RBM19: variants seen among roughly 807,000 people sequenced by gnomAD.
RBM19 encodes RNA binding motif protein 19.
A neutral mutation model predicts 116.8 loss-of-function variants in RBM19; 94 were observed. The observed-to-expected ratio is 0.80, with a 90% CI of 0.68 to 0.95. The LOEUF (loss-of-function observed/expected upper bound fraction) is 0.95, where lower values mean the gene tolerates loss of function less well. RBM19 is among the 40% of genes least tolerant of loss of function. The pLI is 0.00. For missense variants in RBM19, 1,161 were observed against 1,220.7 expected, an observed-to-expected ratio of 0.95 and a Z score of 0.73; for synonymous variants, 475 against 494.1, an observed-to-expected ratio of 0.96 and a Z score of 0.51.
At chr12:113,819,166 C>T (rs970566190), downstream of RBM19, among the ~76,000 whole-genome samples, 1 of 152,210 alleles carries the variant, frequency 6.6e-6, no homozygotes, top group Non-Finnish European at 1.5e-5. Context: ...AGATGCGGTT[C>T]CAGCCAGCCC....
chr12:113,830,458 G>T (rs2135690623), intron 23 of RBM19, among the ~76,000 whole-genome samples: 1 of 151,928 alleles, frequency 6.6e-6, no homozygotes, highest in East Asian at 1.9e-4. Context: ...TGTGCTCTGG[G>T]TGTCTTGTGT....
chr12:113,939,508 G>GGGAGGCTGAGGCGGGCA (rs893726122), intron 15 of RBM19, among the ~76,000 whole-genome samples: 1 of 119,332 alleles, frequency 8.4e-6, no homozygotes, highest in African/African-American at 3.4e-5. Context: ...CCAGCACTTT[G>GGGAGGCTGAGGCGGGCA]GGAGGCTGAG....
At chr12:113,958,079 G>A (rs761140105) in intron 5 of RBM19, 29 bp from the exon 6 acceptor site, 7 of 1,588,798 alleles carry the variant, frequency 4.4e-6, no homozygotes, top group South Asian at 2.3e-5. Context: ...TGGGATCAGC[G>A]ACAGCTATGA....
chr12:113,896,889 T>C (rs1425324520), intron 21 of RBM19, among the ~76,000 whole-genome samples: 1 of 152,342 alleles, frequency 6.6e-6, no homozygotes, highest in East Asian at 1.9e-4. Flanking sequence ...CCGAAAGAAA[T>C]ACCTAACAGT....
chr12:113,910,720 C>A (rs1353499001), intron 21 of RBM19, among the ~76,000 whole-genome samples: 1 of 152,208 alleles, frequency 6.6e-6, no homozygotes, highest in Non-Finnish European at 1.5e-5. Context: ...ACAAAGACTG[C>A]GTGGCACGTG....
intron 5 of RBM19, 144 bp downstream of exon 5, chr12:113,959,068 C>A: frequency 1.3e-6 from 1 of 776,756 alleles, no homozygotes; most frequent in Non-Finnish European, 2.0e-6. Context: ...GACAGATGCA[C>A]CTGCAGAGGG....
rs1868441750 is a variant in RBM19 at position 113,920,603 on chromosome 12, C to T, written c.2385+8G>A. Reference sequence around the variant, plus strand: ...TCCGTGGCCCTCAGCTGAGAATCTTCACTTTACCTGGAGCTGCTTGAGAGC... The same window carrying T: ...TCCGTGGCCCTCAGCTGAGAATCTTTACTTTACCTGGAGCTGCTTGAGAGC... On this transcript the variant is annotated splice_region_variant and intron_variant, in intron 19 of 23. Coordinates refer to ENST00000261741, the MANE Select transcript of RBM19 (RefSeq NM_016196.4). 6.2e-7 allele frequency: 1 copy of T among 1,613,184 alleles called. No individual in the cohort carries two copies. Among genetic ancestry groups the T allele is most frequent in the Non-Finnish European group, 8.5e-7 (1 of 1,179,168 alleles).
intron 23 of RBM19, among the ~76,000 whole-genome samples, chr12:113,834,001 G>A (rs761983359): frequency 1.2e-4 from 18 of 152,194 alleles, no homozygotes; most frequent in Non-Finnish European, 1.8e-4. Flanking sequence ...CTGCCTCGGC[G>A]TCTCAAAGCA....
intron 23 of RBM19, among the ~76,000 whole-genome samples, chr12:113,824,471 A>G (rs1189980892): frequency 1.3e-5 from 2 of 152,176 alleles, no homozygotes; most frequent in African/African-American, 2.4e-5. Context: ...GTCGATGAGC[A>G]GCCTTGCTCA....
rs1202435876 is a variant in RBM19, at chr12:113,825,717, GCCCC to G, written c.2786-2400_2786-2397del. ...AGGGACTGGCGAGGGGCGAGTTCTA[GCCCC>G]ATCCATTGTGTCGGCTCAACCTGTA... On this transcript the variant is annotated intron_variant, in intron 23 of 23. Transcript: ENST00000261741. The surrounding 1 kb of genome is among the most constrained non-coding windows in gnomAD (Gnocchi z 5.7). Among the ~76,000 whole-genome samples, 1,202 of 152,220 alleles carry G rather than the reference GCCCC, an allele frequency of 7.9e-3. 22 individuals carry two copies. The highest frequency in any genetic ancestry group is 0.028 in the African/African-American group (1,161 of 41,524).
At chr12:113,882,582 C>T (rs1218058315) in intron 21 of RBM19, among the ~76,000 whole-genome samples, 1 of 152,232 alleles carries the variant, frequency 6.6e-6, no homozygotes, top group Non-Finnish European at 1.5e-5. Flanking sequence ...CCAGAGAAGG[C>T]CCTGGAGCTG....
At chr12:113,960,686 C>T (rs1247423751) in intron 2 of RBM19, among the ~76,000 whole-genome samples, 2 of 152,124 alleles carry the variant, frequency 1.3e-5, no homozygotes, top group African/African-American at 4.8e-5. Flanking sequence ...GGGCCAAGCA[C>T]TCAACCAGGC....
At chr12:113,865,735 T>C (rs1203833108) in intron 21 of RBM19, among the ~76,000 whole-genome samples, 1 of 152,142 alleles carries the variant, frequency 6.6e-6, no homozygotes, top group Admixed American at 6.5e-5. Context: ...TGCAACCATA[T>C]GCTATTACAA....
rs960221869 is a variant in RBM19, at chr12:113,942,303, G to A, written c.1737+21C>T. 5.0e-6 allele frequency: 8 copies of A among 1,591,200 alleles called. No homozygotes were observed. In the African/African-American group the frequency reaches 1.1e-4, roughly 21 times the overall value. On this transcript the variant is annotated intron_variant, in intron 14 of 23. Coordinates refer to ENST00000261741, the MANE Select transcript of RBM19 (RefSeq NM_016196.4). The stretch of plus-strand genomic sequence containing the variant: ...ACTCTCCAGTGGCTGCTGGCTGGCT[G>A]GCGCCACCGAGAACACCCACCTGGC...
chr12:113,847,592 C>T (rs1780254764), intron 22 of RBM19, among the ~76,000 whole-genome samples: 1 of 151,776 alleles, frequency 6.6e-6, no homozygotes, highest in African/African-American at 2.4e-5. Flanking sequence ...GCCAGGGTCC[C>T]TGAGGAGCTG....
Position 113,823,264 on chromosome 12 carries a change from C to T in RBM19, c.2843G>A (p.Gly948Asp), listed in dbSNP as rs1268761651. Residue 948 changes from glycine (G) to aspartate (D), a missense_variant, in exon 24 of 24, where the codon GGC (glycine) becomes GAC (aspartate). Coordinates refer to ENST00000261741, the MANE Select transcript of RBM19 (RefSeq NM_016196.4). ...CTGCTCCTCGCTGTCGCTGTCACTG[C>T]CTTCCAGCTGCTCCAGGATCTCGTC... ...VLDEILEQLEGSDSDSEEQTL... is the reference protein window; with the variant it reads ...VLDEILEQLEDSDSDSEEQTL... 1 of 1,612,916 alleles carries T rather than the reference C, an allele frequency of 6.2e-7. No individual in the cohort carries two copies. Among genetic ancestry groups the T allele is most frequent in the East Asian group, 2.2e-5 (1 of 44,884 alleles).
intron 21 of RBM19, among the ~76,000 whole-genome samples, chr12:113,913,143 A>G (rs1484898142): frequency 3.2e-4 from 48 of 152,170 alleles, no homozygotes; most frequent in Admixed American, 3.1e-3. Flanking sequence ...TTCCCCGGAT[A>G]AGTGTCATCC....
chr12:113,933,453 T>C (rs1869790883), intron 16 of RBM19, among the ~76,000 whole-genome samples: 1 of 152,098 alleles, frequency 6.6e-6, no homozygotes, highest in South Asian at 2.1e-4. Context: ...ATCAGCTCTG[T>C]GGGAATTCAC....
At chr12:113,953,153 G>A (rs1468668110) in intron 7 of RBM19, among the ~76,000 whole-genome samples, 2 of 152,178 alleles carry the variant, frequency 1.3e-5, no homozygotes, top group Non-Finnish European at 2.9e-5. Flanking sequence ...AAGACTTCAA[G>A]AGAAAAAAGG....
Sources: allele counts gnomAD v4.1 joint callset (sites outside exome capture counted in the v4.1 genomes callset), GRCh38; gene constraint gnomAD v4.1.1; non-coding constraint Gnocchi (gnomAD v3.1); transcripts MANE v1.5; gene names NCBI Gene and HGNC (gene_info 2026-07-23, HGNC 2026-07-21).